Variants in DOK7 observed in about 807,000 individuals in gnomAD.
The protein encoded by DOK7 is docking protein 7.
In DOK7, 32 loss-of-function variants were observed where a neutral mutation model predicts 30.7. The observed-to-expected ratio is 1.04, with a 90% CI of 0.79 to 1.40. The LOEUF (loss-of-function observed/expected upper bound fraction) is 1.40, where lower values mean the gene tolerates loss of function less well. DOK7 is among the 40% of genes most tolerant of loss of function. The probability of loss-of-function intolerance (pLI) is 0.00; values close to 1 mark genes in which losing one functional copy is unlikely to be tolerated. For missense variants in DOK7, 1,007 were observed against 699.2 expected (o/e 1.44, Z -4.97); for synonymous variants, 447 against 324.1 (o/e 1.38, Z -4.07).
chr4:3,463,488 TC>T lies in DOK7; in HGVS notation c.55-12del, dbSNP rs1214849085. ...CGCGGGCGCGGGCGGCGGCTCACGCTCCCCCCTGTCCCCGCAGTGGAAGAGT... is the reference window on the plus strand; with the variant it reads ...CGCGGGCGCGGGCGGCGGCTCACGCTCCCCCTGTCCCCGCAGTGGAAGAGT... On this transcript the variant is annotated splice_polypyrimidine_tract_variant and intron_variant, in intron 1 of 6. Coordinates refer to ENST00000340083, the MANE Select transcript of DOK7 (RefSeq NM_173660.5). 25 of 1,282,458 alleles carry T rather than the reference TC, an allele frequency of 1.9e-5. 1 individual carries two copies. The Admixed American group carries it at 4.5e-4, about 23-fold the overall frequency. 79.4% of individuals were successfully genotyped at this position (1,282,458 alleles called of 1,614,324 possible). A position where few individuals can be genotyped will look rare whatever the true frequency, so the allele number is the denominator to read the frequency against.
chr4:3,464,328 G>A (rs1301581645), intron 2 of DOK7, among the ~76,000 whole-genome samples: 1 of 152,182 alleles, frequency 6.6e-6, no homozygotes, highest in Non-Finnish European at 1.5e-5. Context: ...GTGTGGGGCA[G>A]GGATCCCTCC....
Position 3,463,316 on chromosome 4 carries a change from G to C in DOK7, c.-60G>C. 7.2e-7 allele frequency: 1 copy of C among 1,393,868 alleles called. No homozygotes were observed. The highest frequency in any genetic ancestry group is 1.7e-5 in the South Asian group (1 of 60,492). 86.3% of individuals were successfully genotyped at this position (1,393,868 alleles called of 1,614,324 possible). ...AGCCCAGGGCCCTGCGAGCTATTTT[G>C]AAAGTGACCCTGGGCTGGGGCGCCG... On this transcript the variant is annotated 5_prime_UTR_variant, in exon 1 of 7. Transcript: ENST00000340083.
At chr4:3,484,380 T>C (rs1242240397) in intron 4 of DOK7, among the ~76,000 whole-genome samples, 1 of 151,616 alleles carries the variant, frequency 6.6e-6, no homozygotes. Context: ...GCAGCGGGGG[T>C]TCTAATGCCG....
chr4:3,492,723 C>G, intron 6 of DOK7, 36 bp from the exon 7 acceptor site: 3 of 648,402 alleles, frequency 4.6e-6, no homozygotes, highest in Non-Finnish European at 6.3e-6. Flanking sequence ...GACCCCTGTA[C>G]CCCCACAACT....
At chr4:3,496,545 G>A (rs959076280), downstream of DOK7, among the ~76,000 whole-genome samples, 6 of 152,354 alleles carry the variant, frequency 3.9e-5, no homozygotes, top group East Asian at 1.9e-4. Flanking sequence ...CCCCTCCCCA[G>A]ATGCCGAGGC....
intron 4 of DOK7, among the ~76,000 whole-genome samples, chr4:3,479,810 G>A (rs772560641): frequency 1.4e-4 from 21 of 152,208 alleles, no homozygotes; most frequent in Non-Finnish European, 2.4e-4. Context: ...ACAGGAGGTG[G>A]CTTGGTGACA....
Position 3,493,592 on chromosome 4 carries a change from CTCTGTGT to C in DOK7, c.*98_*104del. On this transcript the variant is annotated 3_prime_UTR_variant, in exon 7 of 7. Coordinates refer to ENST00000340083, the MANE Select transcript of DOK7 (RefSeq NM_173660.5). The stretch of plus-strand genomic sequence containing the variant: ...GCGCCAGCCTCCTTGCAGACTGGTG[CTCTGTGT>C]TCTGTGGGAGGGACCGGGGGTCTCC... 4 of 1,544,370 alleles carry C rather than the reference CTCTGTGT, an allele frequency of 2.6e-6. No individual in the cohort carries two copies. The highest frequency in any genetic ancestry group is 2.6e-6 in the Non-Finnish European group (3 of 1,144,048).
exon 8 of DOK7, chr4:3,500,929 C>A (rs1729156562): frequency 2.8e-6 from 4 of 1,426,488 alleles, no homozygotes; most frequent in South Asian, 2.9e-5. Flanking sequence ...CCCCAGGGAG[C>A]TCCCAGTCGC....
chr4:3,478,775 C>A (rs1182372264), intron 4 of DOK7, among the ~76,000 whole-genome samples: 1 of 152,182 alleles, frequency 6.6e-6, no homozygotes, highest in Non-Finnish European at 1.5e-5. Flanking sequence ...ATCCCTGTCC[C>A]CAGCAGGCCC....
Position 3,493,836 on chromosome 4 carries a change from AGGGCTGGAG to A in DOK7, c.*337_*345del. 8.3e-7 allele frequency: 1 copy of A among 1,202,534 alleles called. No individual in the cohort carries two copies. Among genetic ancestry groups the A allele is most frequent in the Non-Finnish European group, 1.0e-6 (1 of 966,590 alleles). The allele number at this position is 1,202,534 out of a possible 1,614,324, so 74.5% of individuals were successfully genotyped here. Reference sequence around the variant, plus strand: ...GCTCGTGCCTTGCACTGGGGTGCCAAGGGCTGGAGGCCCTGCCGCTGGCCTTGTCCTCCT... The same window carrying A: ...GCTCGTGCCTTGCACTGGGGTGCCAAGCCCTGCCGCTGGCCTTGTCCTCCT... On this transcript the variant is annotated 3_prime_UTR_variant, in exon 7 of 7. Coordinates refer to ENST00000340083, the MANE Select transcript of DOK7 (RefSeq NM_173660.5).
rs1012942127 is a variant in DOK7, at chr4:3,473,816, G to C, written c.331+180G>C. Reference sequence around the variant, plus strand: ...TGGGGGTGCCCACGAGGGTTTGGGAGGGGGAGTCTGCTGGGCTATGGTGTC... The same window carrying C: ...TGGGGGTGCCCACGAGGGTTTGGGACGGGGAGTCTGCTGGGCTATGGTGTC... On this transcript the variant is annotated intron_variant, in intron 3 of 6. Coordinates refer to ENST00000340083, the MANE Select transcript of DOK7 (RefSeq NM_173660.5). 2.0e-5 allele frequency among the ~76,000 whole-genome samples: 3 copies of C among 152,320 alleles called. No homozygotes were observed. In the East Asian group the frequency reaches 5.8e-4, roughly 29 times the overall value.
rs199630465 is a variant in DOK7 at position 3,493,992 on chromosome 4, G to GC, written c.*497dup. ...CGGCCACCTGGGCTCCACCAGCCCA[G>GC]CCCCCCTGGGCTCCGTGTGCGCTGG... On this transcript the variant is annotated 3_prime_UTR_variant, in exon 7 of 7. Transcript: ENST00000340083. 6.2e-6 allele frequency: 6 copies of GC among 972,868 alleles called. No individual in the cohort carries two copies. The highest frequency in any genetic ancestry group is 1.5e-4 in the Admixed American group (2 of 12,912). 60.3% of individuals were successfully genotyped at this position (972,868 alleles called of 1,614,324 possible). A position where few individuals can be genotyped will look rare whatever the true frequency, so the allele number is the denominator to read the frequency against.
In DOK7 at chr4:3,493,054, G is replaced by T. The variant is rs372407972; in HGVS notation, c.1068G>T (p.Ala356=). Residue 356 remains alanine (A), a synonymous_variant, in exon 7 of 7, where the codon GCG becomes GCT. Coordinates refer to ENST00000340083, the MANE Select transcript of DOK7 (RefSeq NM_173660.5). ...ACTCCAGCAGCCTCTCGTCCTACGCGGGCAGCAGCCTGGACGTGTGGCGGG... is the reference window on the plus strand; with the variant it reads ...ACTCCAGCAGCCTCTCGTCCTACGCTGGCAGCAGCCTGGACGTGTGGCGGG... ...SSYSSSLSSY[A]GSSLDVWRAT... is the part of the protein sequence containing the mutation. The T allele has an allele frequency of 4.3e-5, 68 of 1,574,712 alleles. No homozygotes were observed. In the African/African-American group the frequency reaches 8.3e-4, roughly 19 times the overall value.
Position 3,472,803 on chromosome 4 carries a change from C to A in DOK7, c.101-603C>A, listed in dbSNP as rs1407921179. Among the ~76,000 whole-genome samples the A allele has an allele frequency of 4.6e-5, 7 of 152,330 alleles. No homozygotes were observed. The East Asian group carries it at 1.4e-3, about 29-fold the overall frequency. On this transcript the variant is annotated intron_variant, in intron 2 of 6. Coordinates refer to ENST00000340083, the MANE Select transcript of DOK7 (RefSeq NM_173660.5). ...AGGTCCCCAGCAGCCGAGGAAGAGA[C>A]TAGGGCCTGCTGTGCTGGGCAGTGG...
At chr4:3,500,241 C>A (rs1046118783) in intron 6 of DOK7, 2 of 1,532,754 alleles carry the variant, frequency 1.3e-6, no homozygotes, top group Non-Finnish European at 1.7e-6. Flanking sequence ...CACAGCCGCT[C>A]CCCCCACAGG....
intron 6 of DOK7, among the ~76,000 whole-genome samples, chr4:3,491,036 C>A (rs1325346249): frequency 1.2e-5 from 1 of 85,202 alleles, no homozygotes; most frequent in African/African-American, 4.5e-5. Flanking sequence ...TTCCTTCCCC[C>A]CCATTCCTTC....
intron 2 of DOK7, among the ~76,000 whole-genome samples, chr4:3,466,921 C>T (rs1577138610): frequency 6.6e-6 from 1 of 152,344 alleles, no homozygotes; most frequent in East Asian, 1.9e-4. Flanking sequence ...GTGAATGGGT[C>T]CGGGGCTAGG....
Position 3,478,203 on chromosome 4 carries a change from G to T in DOK7, c.532+1661G>T, listed in dbSNP as rs199673583. Among the ~76,000 whole-genome samples, 52 of 152,340 alleles carry T rather than the reference G, an allele frequency of 3.4e-4. 7 individuals carry two copies. The East Asian group carries it at 4.6e-3, about 14-fold the overall frequency. ...CCCTCTAAGCCGGGGCACAGCAGGAGGACCCGTTTCCTTGGAGACCTGCTT... is the reference window on the plus strand; with the variant it reads ...CCCTCTAAGCCGGGGCACAGCAGGATGACCCGTTTCCTTGGAGACCTGCTT... On this transcript the variant is annotated intron_variant, in intron 4 of 6. Coordinates refer to ENST00000340083, the MANE Select transcript of DOK7 (RefSeq NM_173660.5).
chr4:3,493,260 G>A lies in DOK7; in HGVS notation c.1274G>A (p.Ser425Asn). 2.5e-6 allele frequency: 4 copies of A among 1,611,710 alleles called. No homozygotes were observed. Among genetic ancestry groups the A allele is most frequent in the Non-Finnish European group, 3.4e-6 (4 of 1,179,542 alleles). The part of the protein sequence containing the change: ...PRDHSPPSQG[S>N]PGNSAARDSG... ...GACCACAGCCCCCCCTCACAGGGCA[G>A]CCCCGGCAACAGTGCGGCCAGGGAC... Residue 425 changes from serine (S) to asparagine (N), a missense_variant, in exon 7 of 7, where the codon AGC becomes AAC. By Grantham distance (46) the Ser-to-Asn change is conservative (BLOSUM62 1). Coordinates refer to ENST00000340083, the MANE Select transcript of DOK7 (RefSeq NM_173660.5).
Sources: gnomAD v4.1 joint callset for allele counts (sites outside exome capture counted in the v4.1 genomes callset) on GRCh38, gnomAD v4.1.1 for gene constraint, MANE v1.5 for transcripts, NCBI Gene and HGNC (gene_info 2026-07-23, HGNC 2026-07-21) for gene names.